Variants in DNAJC5 observed in about 807,000 individuals in gnomAD.
The protein encoded by DNAJC5 is DnaJ heat shock protein family (Hsp40) member C5.
DNAJC5 carries 1 observed loss-of-function variant against 23.2 expected under a neutral mutation model. That is an observed-to-expected ratio of 0.04 (90% CI 0.02 to 0.20). The LOEUF (loss-of-function observed/expected upper bound fraction) is 0.20, where lower values mean the gene tolerates loss of function less well. Ranked by LOEUF, DNAJC5 falls within the 10% of genes least tolerant of loss-of-function variation. DNAJC5 has a pLI of 1.00. For synonymous variants in DNAJC5, 136 were observed against 120.0 expected (o/e 1.13, Z -0.87); for missense variants, 180 against 267.0 (o/e 0.67, Z 2.27).
At chr20:63,923,804 A>C (rs571455772) in intron 1 of DNAJC5, among the ~76,000 whole-genome samples, 32 of 152,226 alleles carry the variant, frequency 2.1e-4, no homozygotes, top group Non-Finnish European at 2.9e-4. Flanking sequence ...GAATGAAAAG[A>C]AAATCTGCCA....
At chr20:63,924,791 G>A (rs976013681) in intron 1 of DNAJC5, among the ~76,000 whole-genome samples, 2 of 152,234 alleles carry the variant, frequency 1.3e-5, no homozygotes, top group African/African-American at 4.8e-5. Flanking sequence ...GTGAGTTGAT[G>A]ACTTAGGATT....
intron 1 of DNAJC5, among the ~76,000 whole-genome samples, chr20:63,922,368 C>T (rs1439284328): frequency 6.6e-6 from 1 of 151,058 alleles, no homozygotes. Flanking sequence ...CAGGCTGAGG[C>T]AGGAGAATCG....
Position 63,921,807 on chromosome 20 carries a change from C to G in DNAJC5, c.-11-6528C>G, listed in dbSNP as rs866283680. ...AAAGTTTTTTTTTTGGAGACAGGGT[C>G]TCACTCTGTCACCCAGGCTGACGTC... On this transcript the variant is annotated intron_variant, in intron 1 of 4. Coordinates refer to ENST00000360864, the MANE Select transcript of DNAJC5 (RefSeq NM_025219.3). Among the ~76,000 whole-genome samples, 12 of 151,934 alleles carry G rather than the reference C, an allele frequency of 7.9e-5. No individual in the cohort carries two copies. In the South Asian group the frequency reaches 1.0e-3, roughly 13 times the overall value.
chr20:63,921,023 G>A (rs1486022997), intron 1 of DNAJC5, among the ~76,000 whole-genome samples: 3 of 151,906 alleles, frequency 2.0e-5, no homozygotes, highest in East Asian at 1.9e-4. Flanking sequence ...GCAACGGCAC[G>A]GTCTCAGCTC....
At chr20:63,901,122 G>A (rs1254404451) in intron 1 of DNAJC5, among the ~76,000 whole-genome samples, 3 of 152,166 alleles carry the variant, frequency 2.0e-5, no homozygotes, top group Non-Finnish European at 2.9e-5. Context: ...GTGCCACCAC[G>A]CCCAGCTAAT....
rs543134692 is a variant in DNAJC5, at chr20:63,932,027, G to C, written c.*459G>C. ...GAGCTGTGTTACCGTCTTGGCCTCG[G>C]GGTCTGGTCCACACTCTGTGCTCCC... On this transcript the variant is annotated 3_prime_UTR_variant, in exon 5 of 5. Transcript: ENST00000360864. This position sits in a 1 kb window ranked among gnomAD's most constrained non-coding sequence, Gnocchi z 4.4. The C allele has an allele frequency of 9.5e-6, 3 of 315,986 alleles. No individual in the cohort carries two copies. In the East Asian group the frequency reaches 2.6e-4, roughly 27 times the overall value. 19.6% of individuals were successfully genotyped at this position (315,986 alleles called of 1,614,324 possible). A position where few individuals can be genotyped will look rare whatever the true frequency, so the allele number is the denominator to read the frequency against.
chr20:63,904,789 T>G (rs943745003), intron 1 of DNAJC5, among the ~76,000 whole-genome samples: 3 of 151,434 alleles, frequency 2.0e-5, no homozygotes, highest in South Asian at 2.1e-4. Flanking sequence ...TAATAAACTG[T>G]GGGGGTTTTT....
At chr20:63,917,298 C>T (rs990986869) in intron 1 of DNAJC5, among the ~76,000 whole-genome samples, 1 of 2,394 alleles carries the variant, frequency 4.2e-4, no homozygotes, top group Non-Finnish European at 7.6e-4. Context: ...CTCTGTTGCC[C>T]AGGCTGGAAT....
chr20:63,905,720 C>T (rs189910127), intron 1 of DNAJC5, among the ~76,000 whole-genome samples: 1 of 151,806 alleles, frequency 6.6e-6, no homozygotes, highest in Non-Finnish European at 1.5e-5. Flanking sequence ...TAGGGGCGTG[C>T]CACCCTGCCC....
chr20:63,914,088 G>A (rs979261804), intron 1 of DNAJC5, among the ~76,000 whole-genome samples: 2 of 152,142 alleles, frequency 1.3e-5, no homozygotes, highest in Non-Finnish European at 1.5e-5. Flanking sequence ...GACGCTCACC[G>A]TTGGCCGAGT....
Position 63,932,172 on chromosome 20 carries a change from T to TG in DNAJC5, c.*609dup, listed in dbSNP as rs1173781429. 6.1e-6 allele frequency: 1 copy of TG among 164,078 alleles called. No individual in the cohort carries two copies. The highest frequency in any genetic ancestry group is 1.3e-5 in the Non-Finnish European group (1 of 74,222). 10.2% of individuals were successfully genotyped at this position (164,078 alleles called of 1,614,324 possible). On this transcript the variant is annotated 3_prime_UTR_variant, in exon 5 of 5. Transcript: ENST00000360864. This position sits in a 1 kb window ranked among gnomAD's most constrained non-coding sequence, Gnocchi z 4.4. ...GTGTCTGTGCTGGGCATGGTTGGCT[T>TG]GGGGGTCTGTGGTTTCCTGGGCCTT...
intron 1 of DNAJC5, among the ~76,000 whole-genome samples, chr20:63,924,578 G>T (rs565918249): frequency 1.3e-5 from 2 of 152,190 alleles, no homozygotes; most frequent in East Asian, 1.9e-4. Flanking sequence ...AAAAAACCGG[G>T]CACGGTGGCT....
chr20:63,931,711 C>T lies in DNAJC5; in HGVS notation c.*143C>T. The T allele has an allele frequency of 1.3e-6, 1 of 784,480 alleles. No individual in the cohort carries two copies. Among genetic ancestry groups the T allele is most frequent in the South Asian group, 1.5e-5 (1 of 68,308 alleles). The allele number at this position is 784,480 out of a possible 1,614,324, so 48.6% of individuals were successfully genotyped here. Reference sequence around the variant, plus strand: ...GGCCCCTCCTGCCTCCACGCCCACCCAGCGTCGACCCTTGACCCACGAAGT... The same window carrying T: ...GGCCCCTCCTGCCTCCACGCCCACCTAGCGTCGACCCTTGACCCACGAAGT... On this transcript the variant is annotated 3_prime_UTR_variant, in exon 5 of 5. Coordinates refer to ENST00000360864, the MANE Select transcript of DNAJC5 (RefSeq NM_025219.3). The surrounding 1 kb of genome is among the most constrained non-coding windows in gnomAD (Gnocchi z 9.6).
intron 1 of DNAJC5, among the ~76,000 whole-genome samples, chr20:63,916,402 G>C (rs142667628): frequency 6.6e-6 from 1 of 152,204 alleles, no homozygotes; most frequent in East Asian, 1.9e-4. Flanking sequence ...CGCGATGCCC[G>C]CCTGAGCCAC....
intron 1 of DNAJC5, among the ~76,000 whole-genome samples, chr20:63,908,116 C>G (rs1310369995): frequency 6.6e-6 from 1 of 152,076 alleles, no homozygotes; most frequent in African/African-American, 2.4e-5. Context: ...AATTGGTGCA[C>G]CTTATACTTG....
intron 1 of DNAJC5, among the ~76,000 whole-genome samples, chr20:63,912,128 C>T (rs1471776565): frequency 6.6e-6 from 1 of 152,004 alleles, no homozygotes; most frequent in Non-Finnish European, 1.5e-5. Context: ...TATAGCAAAA[C>T]CTCATCTCTG....
chr20:63,921,868 T>C (rs2053576263), intron 1 of DNAJC5, among the ~76,000 whole-genome samples: 1 of 151,884 alleles, frequency 6.6e-6, no homozygotes, highest in African/African-American at 2.4e-5. Flanking sequence ...AACCTCCTCC[T>C]CCCGGGTTCA....
chr20:63,935,830 C>T lies in DNAJC5; in HGVS notation c.*4262C>T, dbSNP rs1161109445. The T allele has an allele frequency of 1.3e-5, 2 of 152,254 alleles. No homozygotes were observed. Among genetic ancestry groups the T allele is most frequent in the Non-Finnish European group, 2.9e-5 (2 of 68,032 alleles). 9.4% of individuals were successfully genotyped at this position (152,254 alleles called of 1,614,324 possible). A position where few individuals can be genotyped will look rare whatever the true frequency, so the allele number is the denominator to read the frequency against. ...TGCACACGCATGGAAGCTGCTTGTC[C>T]ATGCACTGGTTTTGTCACTGGCGTC... On this transcript the variant is annotated 3_prime_UTR_variant, in exon 5 of 5. Transcript: ENST00000360864.
At chr20:63,895,992 C>T (rs976973189) in intron 1 of DNAJC5, among the ~76,000 whole-genome samples, 2 of 152,090 alleles carry the variant, frequency 1.3e-5, no homozygotes, top group African/African-American at 4.8e-5. Context: ...TTTTCGTGTG[C>T]CGAAGCCATG....
Sources: allele counts gnomAD v4.1 joint callset (sites outside exome capture counted in the v4.1 genomes callset), GRCh38; gene constraint gnomAD v4.1.1; non-coding constraint Gnocchi (gnomAD v3.1); transcripts MANE v1.5; gene names NCBI Gene and HGNC (gene_info 2026-07-23, HGNC 2026-07-21).